Variants in PI4KA observed in about 807,000 individuals in gnomAD.
The protein encoded by PI4KA is PI4-kinase alpha.
PI4KA carries 122 observed loss-of-function variants against 271.4 expected under a neutral mutation model. That is an observed-to-expected ratio of 0.45 (90% CI 0.39 to 0.52). The LOEUF (loss-of-function observed/expected upper bound fraction) is 0.52. PI4KA is among the 20% of genes least tolerant of loss of function. PI4KA has a pLI of 0.00. For missense variants in PI4KA, 1,969 were observed against 2,769.1 expected, an observed-to-expected ratio of 0.71 and a Z score of 6.48; for synonymous variants, 1,041 against 1,078.8, an observed-to-expected ratio of 0.96 and a Z score of 0.69.
chr22:20,783,161 T>C (rs1933929511), intron 19 of PI4KA, among the ~76,000 whole-genome samples: 2 of 152,184 alleles, frequency 1.3e-5, no homozygotes, highest in Non-Finnish European at 2.9e-5. Flanking sequence ...ACTCACATCT[T>C]AGAGCTAACA....
chr22:20,834,465 T>G, intron 3 of PI4KA, 97 bp downstream of exon 3: 1 of 771,516 alleles, frequency 1.3e-6, no homozygotes, highest in Non-Finnish European at 2.3e-6. Flanking sequence ...GGAGACAAGA[T>G]GCATCTGATG....
intron 8 of PI4KA, among the ~76,000 whole-genome samples, chr22:20,811,489 T>A (rs1921000672): frequency 6.6e-6 from 1 of 152,024 alleles, no homozygotes; most frequent in Non-Finnish European, 1.5e-5. Flanking sequence ...CTTCTACAAC[T>A]GCTTAGGTAC....
chr22:20,812,846 G>A (rs996769508), intron 8 of PI4KA, among the ~76,000 whole-genome samples: 19 of 152,190 alleles, frequency 1.2e-4, no homozygotes, highest in South Asian at 2.1e-4. Context: ...GAGCCACGGC[G>A]TCCAACCAGG....
intron 29 of PI4KA, among the ~76,000 whole-genome samples, chr22:20,745,940 G>A (rs1930009361): frequency 6.7e-6 from 1 of 148,188 alleles, no homozygotes; most frequent in South Asian, 2.1e-4. Flanking sequence ...CCTGGTTCAA[G>A]TGATTCTCCT....
intron 39 of PI4KA, among the ~76,000 whole-genome samples, chr22:20,728,308 T>C (rs573502140): frequency 7.2e-5 from 11 of 152,346 alleles, no homozygotes; most frequent in Admixed American, 3.9e-4. Flanking sequence ...AAATGTTCTA[T>C]TATGCCACTA....
intron 1 of PI4KA, among the ~76,000 whole-genome samples, chr22:20,848,094 C>T (rs1328539103): frequency 6.6e-6 from 1 of 151,904 alleles, no homozygotes; most frequent in Non-Finnish European, 1.5e-5. Flanking sequence ...AAAAATTAGC[C>T]GGGCATGGTT....
Position 20,753,814 on chromosome 22 carries a change from G to A in PI4KA, c.2792-634C>T, listed in dbSNP as rs571897105. Reference sequence around the variant, plus strand: ...CCATTCTCCTGCCTCAGCCTCCTGAGCAGCTGAGACTACAGGTGCCCACCA... The same window carrying A: ...CCATTCTCCTGCCTCAGCCTCCTGAACAGCTGAGACTACAGGTGCCCACCA... On this transcript the variant is annotated intron_variant, in intron 23 of 54. Coordinates refer to ENST00000255882, the MANE Select transcript of PI4KA (RefSeq NM_058004.4). Among the ~76,000 whole-genome samples, 5 of 152,212 alleles carry A rather than the reference G, an allele frequency of 3.3e-5. No individual in the cohort carries two copies. The South Asian group carries it at 1.0e-3, about 32-fold the overall frequency.
At position 20,798,386 on chromosome 22, in the gene PI4KA, G is replaced by A. The variant is rs149023955; in HGVS notation, c.2108+198C>T. ...AAGGAGAGAAAGGAGCTGAGACCTCGTGCGCTGAGATGCTCAGTGGTCACC... is the reference window on the plus strand; with the variant it reads ...AAGGAGAGAAAGGAGCTGAGACCTCATGCGCTGAGATGCTCAGTGGTCACC... On this transcript the variant is annotated intron_variant, in intron 17 of 54. Coordinates refer to ENST00000255882, the MANE Select transcript of PI4KA (RefSeq NM_058004.4). The A allele has an allele frequency of 2.9e-3, 1,648 of 559,896 alleles. 5 individuals are homozygous for A. Among genetic ancestry groups the A allele is most frequent in the Middle Eastern group, 0.013 (27 of 2,036 alleles). 34.7% of individuals were successfully genotyped at this position (559,896 alleles called of 1,614,324 possible). A position where few individuals can be genotyped will look rare whatever the true frequency, so the allele number is the denominator to read the frequency against.
intron 45 of PI4KA, among the ~76,000 whole-genome samples, chr22:20,716,449 G>A (rs1601319769): frequency 6.6e-6 from 1 of 152,284 alleles, no homozygotes; most frequent in East Asian, 1.9e-4. Context: ...CCCCAAGGGG[G>A]ATGTGTGCTC....
intron 14 of PI4KA, 108 bp downstream of exon 14, chr22:20,801,865 A>G (rs1935352261): frequency 8.1e-7 from 1 of 1,236,254 alleles, no homozygotes; most frequent in Admixed American, 2.0e-5. Context: ...CAGCCTGGGC[A>G]ACAGAGCGAG....
Position 20,805,049 on chromosome 22 carries a change from T to G in PI4KA, c.1285A>C (p.Ser429Arg). The G allele has an allele frequency of 6.2e-7, 1 of 1,614,154 alleles. No individual in the cohort carries two copies. The highest frequency in any genetic ancestry group is 1.1e-5 in the South Asian group (1 of 91,082). Residue 429 changes from serine (S) to arginine (R), a missense_variant, in exon 11 of 55, where the codon AGC becomes CGC. Around this residue, in one of 13 missense-constraint regions of PI4KA, gnomAD observed 540 missense variants for 555.5 expected, o/e 0.97. Transcript: ENST00000255882. Reference protein sequence around the residue: ...HDADRIHNELSPLKLRCQANA... With the variant: ...HDADRIHNELRPLKLRCQANA... ...GCCTGACAGCGCAGTTTGAGGGGGC[T>G]CAGCTCATTGTGGATCCGGTCTGCG...
At chr22:20,731,094 G>C (rs1011350165) in intron 36 of PI4KA, among the ~76,000 whole-genome samples, 1 of 152,136 alleles carries the variant, frequency 6.6e-6, no homozygotes. Context: ...TGGGAGAATT[G>C]CTTGCACCCA....
rs1405765241 is a variant in PI4KA, at chr22:20,749,969, C to T, written c.3179G>A (p.Arg1060His). ...RESIVKDFAA[R>H]CGMILQEAMK... ...GGCCTCCTGGAGGATCATCCCACAG[C>T]GTGCAGCGAAGTCCTTCACAATGCT... The change falls in exon 28 of 55, where the codon CGC becomes CAC. Residue 1060 changes from arginine to histidine, a missense_variant. Physicochemically the swap from Arg to His is conservative, Grantham distance 29. This residue lies in a region of PI4KA where 368 missense variants were observed against 544.3 expected (regional missense o/e 0.68). Coordinates refer to ENST00000255882, the MANE Select transcript of PI4KA (RefSeq NM_058004.4). The T allele has an allele frequency of 6.2e-7, 1 of 1,613,534 alleles. No homozygotes were observed. Among genetic ancestry groups the T allele is most frequent in the South Asian group, 1.1e-5 (1 of 91,070 alleles).
intron 50 of PI4KA, 122 bp downstream of exon 50, chr22:20,712,364 T>C (rs1485828760): frequency 3.9e-6 from 6 of 1,549,320 alleles, no homozygotes; most frequent in African/African-American, 1.4e-5. Flanking sequence ...CCAGGTGCCC[T>C]GGTTTTAACC....
At chr22:20,796,686 C>A (rs1430259445) in intron 17 of PI4KA, among the ~76,000 whole-genome samples, 2 of 152,224 alleles carry the variant, frequency 1.3e-5, no homozygotes, top group Non-Finnish European at 2.9e-5. Context: ...ATCTTGCTTC[C>A]CCCCTACAAA....
chr22:20,721,519 G>T, intron 42 of PI4KA, 101 bp from the exon 43 acceptor site: 1 of 1,240,790 alleles, frequency 8.1e-7, no homozygotes. Flanking sequence ...ACCAGGCAAG[G>T]GTAAGGCCCG....
rs138155364 is a variant in PI4KA at position 20,760,209 on chromosome 22, T to A, written c.2791+1095A>T. ...TCAAAGAATTTATTCATACAGTTAA[T>A]CAAAATTTGTGGATTCTCCCCAATT... On this transcript the variant is annotated intron_variant, in intron 23 of 54. Transcript: ENST00000255882. Among the ~76,000 whole-genome samples the A allele has an allele frequency of 4.6e-5, 7 of 152,366 alleles. No homozygotes were observed. The East Asian group carries it at 1.3e-3, about 29-fold the overall frequency.
intron 19 of PI4KA, chr22:20,786,912 G>A (rs755840875): frequency 1.9e-6 from 3 of 1,614,114 alleles, no homozygotes; most frequent in Non-Finnish European, 2.5e-6. Context: ...AACGAGGAAG[G>A]CACCCAAGCC....
At chr22:20,784,177 G>T in intron 19 of PI4KA, 1 of 1,614,194 alleles carries the variant, frequency 6.2e-7, no homozygotes, top group Non-Finnish European at 8.5e-7. Flanking sequence ...AGATGTCTGG[G>T]ATGAAGACCC....
Sources: gnomAD v4.1 joint callset for allele counts (sites outside exome capture counted in the v4.1 genomes callset) on GRCh38, gnomAD v4.1.1 for gene constraint, gnomAD v4.1.1 regional missense constraint, MANE v1.5 for transcripts, NCBI Gene and HGNC (gene_info 2026-07-23, HGNC 2026-07-21) for gene names.